The following GRIP1 variants were observed in gnomAD, a reference collection of about 807,000 sequenced individuals.
GRIP1 encodes glutamate receptor interacting protein 1.
A neutral mutation model predicts 129.9 loss-of-function variants in GRIP1; 45 were observed. The observed-to-expected ratio is 0.35, with a 90% CI of 0.27 to 0.44. The LOEUF (loss-of-function observed/expected upper bound fraction) is 0.44, where lower values mean the gene tolerates loss of function less well. Among genes scored for constraint, GRIP1 ranks in the 20% least tolerant of loss-of-function variants. GRIP1 has a pLI of 1.00. For synonymous variants in GRIP1, 530 were observed against 520.8 expected (o/e 1.02, Z -0.24); for missense variants, 1,196 against 1,396.8 (o/e 0.86, Z 2.29).
intron 19 of GRIP1, among the ~76,000 whole-genome samples, chr12:66,381,935 T>C (rs2056129298): frequency 6.6e-6 from 1 of 152,126 alleles, no homozygotes; most frequent in African/African-American, 2.4e-5. Flanking sequence ...GACCCAGAGA[T>C]TAAAGTAAGA....
At chr12:66,440,408 C>T (rs1327770603) in intron 13 of GRIP1, among the ~76,000 whole-genome samples, 1 of 152,144 alleles carries the variant, frequency 6.6e-6, no homozygotes, top group African/African-American at 2.4e-5. Flanking sequence ...AGGTCTTATT[C>T]ATTCTTTCCA....
At chr12:66,784,105 G>C (rs1386694368) in intron 1 of GRIP1, among the ~76,000 whole-genome samples, 1 of 151,766 alleles carries the variant, frequency 6.6e-6, no homozygotes, top group Non-Finnish European at 1.5e-5. Flanking sequence ...TCCAATTTAA[G>C]CCAATATTTC....
At chr12:66,888,827 G>T (rs1159977968) in intron 1 of GRIP1, among the ~76,000 whole-genome samples, 1 of 151,614 alleles carries the variant, frequency 6.6e-6, no homozygotes, top group Non-Finnish European at 1.5e-5. Flanking sequence ...CATCAAATGT[G>T]AAAAGCCACA....
intron 1 of GRIP1, among the ~76,000 whole-genome samples, chr12:67,024,457 G>A (rs778215815): frequency 1.3e-5 from 2 of 152,124 alleles, no homozygotes; most frequent in Non-Finnish European, 2.9e-5. Flanking sequence ...GAGAAAGAGG[G>A]GGAAACCCGG....
At chr12:66,946,131 T>C (rs912745615) in intron 1 of GRIP1, among the ~76,000 whole-genome samples, 3 of 152,200 alleles carry the variant, frequency 2.0e-5, no homozygotes, top group Non-Finnish European at 4.4e-5. Context: ...GACCTTTCTA[T>C]TTCTTTCCTT....
intron 1 of GRIP1, among the ~76,000 whole-genome samples, chr12:66,757,672 A>G (rs2037338964): frequency 1.3e-5 from 2 of 152,172 alleles, no homozygotes; most frequent in South Asian, 4.1e-4. Context: ...GGACCTCCAA[A>G]TTGTTCTCCA....
intron 1 of GRIP1, among the ~76,000 whole-genome samples, chr12:66,763,640 G>A (rs552254100): frequency 1.3e-5 from 2 of 152,186 alleles, no homozygotes; most frequent in Admixed American, 6.6e-5. Context: ...ATAAAGCCAC[G>A]GAAGACAACC....
At chr12:66,784,234 C>G (rs1324612817) in intron 1 of GRIP1, among the ~76,000 whole-genome samples, 1 of 152,068 alleles carries the variant, frequency 6.6e-6, no homozygotes, top group Non-Finnish European at 1.5e-5. Context: ...AATACGTGGC[C>G]TACTTTCACT....
In GRIP1 at chr12:66,536,172, T is replaced by A. The variant is rs557234083; in HGVS notation, c.418+2906A>T. On this transcript the variant is annotated intron_variant, in intron 4 of 24. Coordinates refer to ENST00000359742, the MANE Select transcript of GRIP1 (RefSeq NM_001366722.1). ...TCTGACTGCTTTTCACTGTCTCCAC[T>A]GCCATCTCTCACATGGATCACTGTA... 2.6e-5 allele frequency among the ~76,000 whole-genome samples: 4 copies of A among 152,324 alleles called. No individual in the cohort carries two copies. The East Asian group carries it at 7.7e-4, about 29-fold the overall frequency.
rs1921009 is a variant in GRIP1 at position 66,833,940 on chromosome 12, C to A, written c.58+235110G>T. On this transcript the variant is annotated intron_variant, in intron 1 of 1. Coordinates refer to the GRIP1 transcript ENST00000643019. ...ATCCCAGCACTTTGGAAGGCCAAGG[C>A]GGATGGCTTACTTGAGGTCAGGAGT... Among the ~76,000 whole-genome samples the A allele has an allele frequency of 1.2e-3, 182 of 151,968 alleles. 1 individual carries two copies. The highest frequency in any genetic ancestry group is 3.7e-3 in the Admixed American group (57 of 15,264).
chr12:67,009,378 T>C (rs575072788), intron 1 of GRIP1, among the ~76,000 whole-genome samples: 2 of 152,282 alleles, frequency 1.3e-5, no homozygotes, highest in African/African-American at 4.8e-5. Context: ...AGGCCACGCA[T>C]TCAACTCATC....
At chr12:66,384,851 G>A (rs1046827655) in intron 19 of GRIP1, among the ~76,000 whole-genome samples, 2 of 152,144 alleles carry the variant, frequency 1.3e-5, no homozygotes, top group African/African-American at 2.4e-5. Context: ...ATTTTGTTTC[G>A]TATGTAGAAG....
chr12:66,463,159 C>A, intron 8 of GRIP1, 66 bp from the exon 9 acceptor site: 1 of 1,286,078 alleles, frequency 7.8e-7, no homozygotes, highest in Non-Finnish European at 1.1e-6. Flanking sequence ...CTTTCATGTC[C>A]TTCATAGTTA....
chr12:66,998,002 A>T (rs1354411238), intron 1 of GRIP1, among the ~76,000 whole-genome samples: 1 of 152,222 alleles, frequency 6.6e-6, no homozygotes, highest in Non-Finnish European at 1.5e-5. Flanking sequence ...AAAATTTCAA[A>T]TTTTTAAAAC....
intron 13 of GRIP1, among the ~76,000 whole-genome samples, chr12:66,436,272 C>G (rs1025741709): frequency 7.2e-5 from 11 of 152,032 alleles, no homozygotes; most frequent in African/African-American, 2.4e-4. Context: ...ATGCAGACAC[C>G]CTTTGTGAGG....
At chr12:66,377,117 A>C in intron 21 of GRIP1, 56 bp from the exon 22 acceptor site, 8 of 1,574,380 alleles carry the variant, frequency 5.1e-6, no homozygotes, top group Admixed American at 1.7e-5. Context: ...CAAACTTAAA[A>C]GGACCAAAAA....
At chr12:66,644,705 C>T (rs943369658) in intron 1 of GRIP1, among the ~76,000 whole-genome samples, 10 of 152,164 alleles carry the variant, frequency 6.6e-5, no homozygotes, top group Admixed American at 1.3e-4. Flanking sequence ...CTTTATCTTA[C>T]GTAGGACTCT....
intron 16 of GRIP1, among the ~76,000 whole-genome samples, chr12:66,400,122 C>T (rs1445671771): frequency 6.6e-6 from 1 of 151,872 alleles, no homozygotes; most frequent in Non-Finnish European, 1.5e-5. Context: ...GCATCATCTG[C>T]AAACTTGTTA....
At chr12:66,663,149 CTA>C in intron 1 of GRIP1, among the ~76,000 whole-genome samples, 1 of 152,250 alleles carries the variant, frequency 6.6e-6, no homozygotes, top group East Asian at 1.9e-4. Flanking sequence ...TGAAAGATGA[CTA>C]TCATTCTTTA....
Sources: gnomAD v4.1 joint callset for allele counts (sites outside exome capture counted in the v4.1 genomes callset) on GRCh38, gnomAD v4.1.1 for gene constraint, MANE v1.5 for transcripts, NCBI Gene and HGNC (gene_info 2026-07-23, HGNC 2026-07-21) for gene names.